TAF8: variants seen among roughly 807,000 people sequenced by gnomAD.
TAF8 encodes transcription initiation factor TFIID subunit 8.
Under a neutral mutation model 36.5 loss-of-function variants are expected in TAF8, and 47 were observed. The ratio of observed to expected loss-of-function variants is 1.29; its 90% CI spans 1.02 to 1.64. The LOEUF is 1.64. TAF8 is among the 40% of genes most tolerant of loss of function. The pLI, the probability that TAF8 is intolerant of heterozygous loss-of-function variation, is 0.00. For missense variants in TAF8, 420 were observed against 407.6 expected, an observed-to-expected ratio of 1.03 and a Z score of -0.26; for synonymous variants, 175 against 159.5, an observed-to-expected ratio of 1.10 and a Z score of -0.73.
chr6:42,078,418 T>TA lies in TAF8; in HGVS notation c.*873_*874insA. On this transcript the variant is annotated 3_prime_UTR_variant, in exon 9 of 9. Transcript: ENST00000372977. Reference sequence around the variant, plus strand: ...ACTCACAATTTGTGGCACCACTTTCTCATCCCAGAACTTCATTCTTATTTC... The same window carrying TA: ...ACTCACAATTTGTGGCACCACTTTCTACATCCCAGAACTTCATTCTTATTTC... 2.0e-6 allele frequency: 2 copies of TA among 985,492 alleles called. No homozygotes were observed. Among genetic ancestry groups the TA allele is most frequent in the Non-Finnish European group, 2.4e-6 (2 of 829,962 alleles). The allele number at this position is 985,492 out of a possible 1,614,324, so 61.0% of individuals were successfully genotyped here.
In TAF8 at chr6:42,082,549, G is replaced by A. The variant is rs1765954348; in HGVS notation, c.*5004G>A. 1 of 152,268 alleles carries A rather than the reference G, an allele frequency of 6.6e-6. No individual in the cohort carries two copies. 9.4% of individuals were successfully genotyped at this position (152,268 alleles called of 1,614,324 possible). A position where few individuals can be genotyped will look rare whatever the true frequency, so the allele number is the denominator to read the frequency against. On this transcript the variant is annotated 3_prime_UTR_variant, in exon 9 of 9. Transcript: ENST00000372977. ...AGATGGGGTTTCACCATGTTGGCCA[G>A]GTTGGTCTCCAACTCCTGACCTCAA...
At chr6:42,063,230 T>G (rs1425545412) in intron 5 of TAF8, 1 of 152,056 alleles carries the variant, frequency 6.6e-6, no homozygotes, top group East Asian at 1.9e-4. Flanking sequence ...ATGGGCGATC[T>G]CAGCTCACCA....
In TAF8 at chr6:42,057,635, T is replaced by C. The variant is rs1419211647; in HGVS notation, c.489+122T>C. 4 of 1,370,520 alleles carry C rather than the reference T, an allele frequency of 2.9e-6. No individual in the cohort carries two copies. The East Asian group carries it at 7.3e-5, about 25-fold the overall frequency. The allele number at this position is 1,370,520 out of a possible 1,614,324, so 84.9% of individuals were successfully genotyped here. A position where few individuals can be genotyped will look rare whatever the true frequency, so the allele number is the denominator to read the frequency against. Reference sequence around the variant, plus strand: ...TGAAAGAGTGGTTCAAAACTCAGAATGTGGCCGGGCACATTGGCTCACACC... The same window carrying C: ...TGAAAGAGTGGTTCAAAACTCAGAACGTGGCCGGGCACATTGGCTCACACC... On this transcript the variant is annotated intron_variant, in intron 5 of 8. Transcript: ENST00000372977.
intron 5 of TAF8, chr6:42,063,587 T>C (rs889637994): frequency 4.6e-5 from 7 of 151,904 alleles, no homozygotes; most frequent in African/African-American, 1.7e-4. Context: ...AATCATAGGG[T>C]TTTTGTTTGT....
Position 42,051,451 on chromosome 6 carries a change from A to T in TAF8, c.140A>T (p.Glu47Val), listed in dbSNP as rs1554170019. Reference protein sequence around the residue: ...LQVVVSSLLTEAGFESAEKAS... With the variant: ...LQVVVSSLLTVAGFESAEKAS... ...GTGGTTGTGAGCTCCTTGCTGACAG[A>T]GGCAGGGTTTGAGAGTGCCGAGAAA... The change falls in exon 2 of 9, where the codon GAG (glutamate) becomes GTG (valine). Residue 47 changes from glutamate to valine, a missense_variant. Glu to Val is a moderately radical substitution (Grantham distance 121). Coordinates refer to ENST00000372977, the MANE Select transcript of TAF8 (RefSeq NM_138572.3). 6.2e-7 allele frequency: 1 copy of T among 1,614,132 alleles called. No homozygotes were observed. The highest frequency in any genetic ancestry group is 8.5e-7 in the Non-Finnish European group (1 of 1,180,010).
At position 42,050,561 on chromosome 6, in the gene TAF8, CA is replaced by C; in HGVS notation, c.21del (p.Ala8LeufsTer34). On this transcript the variant is annotated frameshift_variant, in exon 1 of 9. Coordinates refer to ENST00000372977, the MANE Select transcript of TAF8 (RefSeq NM_138572.3). LOFTEE classifies it high-confidence loss of function. Reference protein sequence around the residue: MADAAATAGAGGSGTRS... With the variant: MADAAAXAGAGGSGTRS... ...AACAAGATGGCCGACGCGGCGGCCA[CA>C]GCTGGGGCCGGTGGCTCCGGAACGG... 6.4e-7 allele frequency: 1 copy of C among 1,556,386 alleles called. No individual in the cohort carries two copies. The highest frequency in any genetic ancestry group is 8.7e-7 in the Non-Finnish European group (1 of 1,150,406).
At chr6:42,071,549 C>G (rs1765575949) in intron 7 of TAF8, 1 of 154,218 alleles carries the variant, frequency 6.5e-6, no homozygotes, top group South Asian at 1.9e-4. Context: ...TGGTCTTGAA[C>G]TCCTGACCTC....
intron 7 of TAF8, among the ~76,000 whole-genome samples, chr6:42,073,962 C>CTTACCTCTGGGTATGGGA (rs1293843227): frequency 4.6e-5 from 7 of 152,056 alleles, no homozygotes; most frequent in African/African-American, 1.4e-4. Flanking sequence ...GTCCAAGAGG[C>CTTACCTCTGGGTATGGGA]TGTGCTAACA....
intron 5 of TAF8, among the ~76,000 whole-genome samples, chr6:42,062,051 CCT>C (rs1562013250): frequency 4.6e-5 from 7 of 152,142 alleles, no homozygotes; most frequent in African/African-American, 1.7e-4. Flanking sequence ...CTCTCCCTCT[CCT>C]CTTTTTTTTC....
rs1228616287 is a variant in TAF8 at position 42,082,995 on chromosome 6, A to G, written c.*5450A>G. ...TAGCTTTTCTTTTTCTCCTTTGTTA[A>G]ACAGTTATTTAATTTTGAAGAGATA... On this transcript the variant is annotated 3_prime_UTR_variant, in exon 9 of 9. Coordinates refer to ENST00000372977, the MANE Select transcript of TAF8 (RefSeq NM_138572.3). 3 of 152,124 alleles carry G rather than the reference A, an allele frequency of 2.0e-5. No individual in the cohort carries two copies. In the East Asian group the frequency reaches 5.8e-4, roughly 29 times the overall value. 9.4% of individuals were successfully genotyped at this position (152,124 alleles called of 1,614,324 possible).
chr6:42,052,749 T>C (rs1219348610), intron 2 of TAF8, among the ~76,000 whole-genome samples: 1 of 152,148 alleles, frequency 6.6e-6, no homozygotes, highest in East Asian at 1.9e-4. Context: ...GGATGAGGGA[T>C]GGAAGTATTT....
downstream of TAF8, chr6:42,086,632 G>A: frequency 1.5e-6 from 2 of 1,354,820 alleles, no homozygotes; most frequent in East Asian, 5.0e-5. Flanking sequence ...CCTCTCCAAT[G>A]CCAGAAGCTG....
Position 42,052,761 on chromosome 6 carries a change from C to T in TAF8, c.202+1248C>T, listed in dbSNP as rs955854717. 1.1e-4 allele frequency among the ~76,000 whole-genome samples: 16 copies of T among 152,238 alleles called. No individual in the cohort carries two copies. The Middle Eastern group carries it at 0.01, about 97-fold the overall frequency. ...ATGGGATGAGGGATGGAAGTATTTA[C>T]GGTGTTTCTTAGGGATCAACAACTA... is the stretch of plus-strand genomic sequence containing the variant. On this transcript the variant is annotated intron_variant, in intron 2 of 8. Coordinates refer to ENST00000372977, the MANE Select transcript of TAF8 (RefSeq NM_138572.3).
chr6:42,073,037 T>A lies in TAF8; in HGVS notation c.781-4063T>A, dbSNP rs567250454. 1.7e-4 allele frequency among the ~76,000 whole-genome samples: 26 copies of A among 152,366 alleles called. 1 individual carries two copies. Among genetic ancestry groups the A allele is most frequent in the South Asian group, 1.4e-3 (7 of 4,828 alleles). ...CACGCCCAGCCAATAACAGGTATTT[T>A]AAATTATTATTTTATCTCTTGATGA... is the stretch of plus-strand genomic sequence containing the variant. On this transcript the variant is annotated intron_variant, in intron 7 of 8. Transcript: ENST00000372977.
Position 42,064,070 on chromosome 6 carries a change from A to G in TAF8, c.490-2242A>G, listed in dbSNP as rs541570319. Reference sequence around the variant, plus strand: ...TTGGCTGCTCTTAATAAATCATAAAACTAATTTTTTTCATCCTCATTTACT... The same window carrying G: ...TTGGCTGCTCTTAATAAATCATAAAGCTAATTTTTTTCATCCTCATTTACT... On this transcript the variant is annotated intron_variant, in intron 5 of 8. Transcript: ENST00000372977. 2.0e-5 allele frequency among the ~76,000 whole-genome samples: 3 copies of G among 152,284 alleles called. No homozygotes were observed. In the South Asian group the frequency reaches 6.2e-4, roughly 32 times the overall value.
downstream of TAF8, among the ~76,000 whole-genome samples, chr6:42,085,630 C>T (rs1351524442): frequency 6.6e-6 from 1 of 151,594 alleles, no homozygotes; most frequent in African/African-American, 2.4e-5. Context: ...TGAGATCAGC[C>T]TGAGCAACAT....
intron 7 of TAF8, among the ~76,000 whole-genome samples, chr6:42,074,180 G>T (rs986292512): frequency 5.9e-5 from 9 of 152,168 alleles, no homozygotes; most frequent in African/African-American, 2.2e-4. Flanking sequence ...CGAGCCATTA[G>T]AAGGATGGAG....
At chr6:42,066,559 C>A in intron 6 of TAF8, 100 bp downstream of exon 6, 3 of 1,401,538 alleles carry the variant, frequency 2.1e-6, no homozygotes, top group Non-Finnish European at 2.0e-6. Context: ...AAGCTTTTGT[C>A]CTTCCCTTGG....
chr6:42,086,892 G>A, downstream of TAF8: 1 of 862,682 alleles, frequency 1.2e-6, no homozygotes, highest in Non-Finnish European at 1.9e-6. Context: ...CCACAAGCTT[G>A]TCAGATCGCC....
Sources: allele counts gnomAD v4.1 joint callset (sites outside exome capture counted in the v4.1 genomes callset), GRCh38; gene constraint gnomAD v4.1.1; transcripts MANE v1.5; gene names NCBI Gene and HGNC (gene_info 2026-07-23, HGNC 2026-07-21).